ABTB2: variants seen among roughly 807,000 people sequenced by gnomAD.
ABTB2 encodes ankyrin repeat and BTB domain containing 2, also known as ankyrin repeat and BTB/POZ domain-containing protein 2.
A neutral mutation model predicts 104.1 loss-of-function variants in ABTB2; 56 were observed. The observed-to-expected ratio is 0.54, with a 90% CI of 0.43 to 0.67. ABTB2 has a LOEUF of 0.67. Among genes scored for constraint, ABTB2 ranks in the 30% least tolerant of loss-of-function variants. The pLI, the probability that ABTB2 is intolerant of heterozygous loss-of-function variation, is 0.00. For missense variants in ABTB2, 1,279 were observed against 1,407.7 expected (o/e 0.91, Z 1.46); for synonymous variants, 606 against 608.2 (o/e 1.00, Z 0.05).
intron 1 of ABTB2, among the ~76,000 whole-genome samples, chr11:34,287,727 G>A (rs1474198529): frequency 2.0e-5 from 3 of 152,128 alleles, no homozygotes; most frequent in Non-Finnish European, 2.9e-5. Flanking sequence ...ACTTGACTTC[G>A]AGGGTCCCCT....
intron 3 of ABTB2, among the ~76,000 whole-genome samples, chr11:34,183,025 G>C (rs1853049077): frequency 6.6e-6 from 1 of 152,150 alleles, no homozygotes; most frequent in South Asian, 2.1e-4. Flanking sequence ...TTCTTCACCT[G>C]GTGCTGGCCC....
At chr11:34,172,418 A>ATATATGTGTG (rs55819950) in intron 4 of ABTB2, among the ~76,000 whole-genome samples, 5 of 84,230 alleles carry the variant, frequency 5.9e-5, no homozygotes, top group South Asian at 3.8e-4. Context: ...ATATATATAT[A>ATATATGTGTG]TGTGTGTGTG....
rs991470411 is a variant in ABTB2, at chr11:34,335,571, C to G, written c.883+21130G>C. ...ACACGTTTGTATTGCACACTCCACT[C>G]TGGCACTTTCAAAGTTAAGTTTCTG... On this transcript the variant is annotated intron_variant, in intron 1 of 16. Transcript: ENST00000435224. 7 of 1,485,798 alleles carry G rather than the reference C, an allele frequency of 4.7e-6. No homozygotes were observed. The African/African-American group carries it at 9.7e-5, about 21-fold the overall frequency. 92.0% of individuals were successfully genotyped at this position (1,485,798 alleles called of 1,614,324 possible).
intron 1 of ABTB2, among the ~76,000 whole-genome samples, chr11:34,230,532 C>T (rs188291403): frequency 2.8e-4 from 43 of 152,226 alleles, no homozygotes; most frequent in East Asian, 9.6e-4. Flanking sequence ...AGGACATGGA[C>T]GGGGAAGGCT....
intron 1 of ABTB2, among the ~76,000 whole-genome samples, chr11:34,312,756 AG>A (rs1048328262): frequency 4.3e-4 from 65 of 152,284 alleles, no homozygotes; most frequent in African/African-American, 1.6e-3. Flanking sequence ...TTTGGAGGGC[AG>A]GGGTGCAATC....
chr11:34,167,327 G>A lies in ABTB2; in HGVS notation c.1687C>T (p.His563Tyr), dbSNP rs766173028. The A allele has an allele frequency of 6.2e-6, 10 of 1,613,348 alleles. No homozygotes were observed. The highest frequency in any genetic ancestry group is 1.6e-4 in the Middle Eastern group (1 of 6,080). ...PSNSPRHPSIHPDSRHWTSLT... is the reference protein window; with the variant it reads ...PSNSPRHPSIYPDSRHWTSLT... The stretch of plus-strand genomic sequence containing the variant: ...GAGGTCCAGTGCCGGCTGTCGGGGT[G>A]GATGGAAGGGTGCCTGGGGGAGTTG... The change falls in exon 7 of 17, where the codon CAC becomes TAC. Residue 563 changes from histidine (H) to tyrosine (Y), a missense_variant. Transcript: ENST00000435224.
chr11:34,303,636 CTTTTTTTTTT>C (rs35677380), intron 1 of ABTB2, among the ~76,000 whole-genome samples: 1 of 79,088 alleles, frequency 1.3e-5, no homozygotes, highest in East Asian at 4.2e-4. Flanking sequence ...ACTATGGGTG[CTTTTTTTTTT>C]TTTTTTTTTT....
chr11:34,266,710 C>G (rs887482945), intron 1 of ABTB2, among the ~76,000 whole-genome samples: 2 of 152,046 alleles, frequency 1.3e-5, no homozygotes, highest in Admixed American at 6.6e-5. Context: ...GATGACTAAG[C>G]CATTGAATTT....
At chr11:34,209,202 C>T (rs529226475) in intron 1 of ABTB2, among the ~76,000 whole-genome samples, 27 of 151,926 alleles carry the variant, frequency 1.8e-4, no homozygotes, top group Admixed American at 1.6e-3. Flanking sequence ...AAAAATTAGC[C>T]GGGCATGGTG....
At chr11:34,294,465 G>C (rs893018612) in intron 1 of ABTB2, among the ~76,000 whole-genome samples, 1 of 152,274 alleles carries the variant, frequency 6.6e-6, no homozygotes, top group East Asian at 1.9e-4. Context: ...TGATGGGAGA[G>C]AATCAGTGGG....
intron 1 of ABTB2, among the ~76,000 whole-genome samples, chr11:34,304,651 A>G (rs1425238720): frequency 6.6e-6 from 1 of 152,118 alleles, no homozygotes; most frequent in East Asian, 1.9e-4. Context: ...GAGACAAACC[A>G]CATGAGAAAA....
chr11:34,335,905 G>T, intron 1 of ABTB2: 1 of 749,342 alleles, frequency 1.3e-6, no homozygotes, highest in South Asian at 1.7e-5. Flanking sequence ...ACAATCCTGC[G>T]GTTGAAAAGG....
chr11:34,265,561 G>T (rs1001441018), intron 1 of ABTB2, among the ~76,000 whole-genome samples: 3 of 150,498 alleles, frequency 2.0e-5, no homozygotes, highest in Admixed American at 2.0e-4. Context: ...TTGGGAGGCT[G>T]AGACGAGAAT....
intron 14 of ABTB2, among the ~76,000 whole-genome samples, chr11:34,156,340 G>T (rs1039110849): frequency 1.3e-5 from 2 of 152,182 alleles, no homozygotes; most frequent in Admixed American, 1.3e-4. Context: ...TACAGGTCAT[G>T]TGCCTCCTGG....
intron 1 of ABTB2, among the ~76,000 whole-genome samples, chr11:34,297,778 A>T (rs998353534): frequency 7.3e-5 from 6 of 82,548 alleles, no homozygotes; most frequent in Admixed American, 1.3e-4. Flanking sequence ...AAAAAAAAAA[A>T]AAAAAATAAA....
intron 1 of ABTB2, among the ~76,000 whole-genome samples, chr11:34,284,541 T>C (rs984920585): frequency 1.3e-5 from 2 of 152,114 alleles, no homozygotes; most frequent in Non-Finnish European, 2.9e-5. Context: ...ACAGGAATTA[T>C]TGACTGGCTT....
At chr11:34,265,721 C>G (rs1854240645) in intron 1 of ABTB2, among the ~76,000 whole-genome samples, 1 of 130,536 alleles carries the variant, frequency 7.7e-6, no homozygotes, top group African/African-American at 2.9e-5. Flanking sequence ...GTAAACCCAA[C>G]AATTTAGGAG....
chr11:34,324,536 C>T (rs1158668842), intron 1 of ABTB2, among the ~76,000 whole-genome samples: 1 of 152,212 alleles, frequency 6.6e-6, no homozygotes, highest in Non-Finnish European at 1.5e-5. Context: ...ACCCCTCCAA[C>T]ACTTCTTCCT....
chr11:34,232,227 T>A (rs78475148), intron 1 of ABTB2, among the ~76,000 whole-genome samples: 2,200 of 152,100 alleles, frequency 0.014, 58 homozygotes, highest in African/African-American at 0.051. Context: ...GGTGGGTGGA[T>A]CATTTGAGGT....
Sources: gnomAD v4.1 joint callset for allele counts (sites outside exome capture counted in the v4.1 genomes callset) on GRCh38, gnomAD v4.1.1 for gene constraint, MANE v1.5 for transcripts, NCBI Gene and HGNC (gene_info 2026-07-23, HGNC 2026-07-21) for gene names.